MYT1L: variants seen among roughly 807,000 people sequenced by gnomAD.
The protein encoded by MYT1L is myelin transcription factor 1 like, also known as myelin transcription factor 1-like protein.
Under a neutral mutation model 126.7 loss-of-function variants are expected in MYT1L, and 12 were observed. The ratio of observed to expected loss-of-function variants is 0.09; its 90% CI spans 0.06 to 0.15. The LOEUF is 0.15. Ranked by LOEUF, MYT1L falls within the 10% of genes least tolerant of loss-of-function variation. The pLI is 1.00. For missense variants in MYT1L, 979 were observed against 1,585.2 expected (o/e 0.62, Z 6.49); for synonymous variants, 541 against 604.2 (o/e 0.90, Z 1.53).
chr2:2,124,525 A>G (rs1051627333), intron 3 of MYT1L, among the ~76,000 whole-genome samples: 1 of 152,078 alleles, frequency 6.6e-6, no homozygotes, highest in Non-Finnish European at 1.5e-5. Context: ...CGAACTTCTG[A>G]CCTCAGGTAA....
intron 8 of MYT1L, among the ~76,000 whole-genome samples, chr2:1,967,725 G>C (rs1177931241): frequency 6.6e-6 from 1 of 152,198 alleles, no homozygotes; most frequent in Non-Finnish European, 1.5e-5. Flanking sequence ...AAGAGGATGG[G>C]GGGAGGGTGT....
At chr2:2,323,446 T>A (rs1041401183) in intron 1 of MYT1L, among the ~76,000 whole-genome samples, 8 of 152,198 alleles carry the variant, frequency 5.3e-5, no homozygotes, top group African/African-American at 1.7e-4. Flanking sequence ...GTGAAATAAT[T>A]AGGTCAGTTA....
chr2:1,978,783 T>C (rs962944439), intron 8 of MYT1L, among the ~76,000 whole-genome samples: 1 of 152,130 alleles, frequency 6.6e-6, no homozygotes, highest in Non-Finnish European at 1.5e-5. Context: ...CACATTTTAA[T>C]TGACCGTTCA....
intron 2 of MYT1L, among the ~76,000 whole-genome samples, chr2:2,236,379 CACCCCAGTACATCCCAACCT>C (rs1559418645): frequency 6.7e-6 from 1 of 148,670 alleles, no homozygotes; most frequent in Non-Finnish European, 1.5e-5. Context: ...CATCCCAACC[CACCCCAGTACATCCCAACCT>C]AACCCAGTAC....
chr2:2,172,387 C>T (rs2090173055), intron 3 of MYT1L, among the ~76,000 whole-genome samples: 1 of 152,228 alleles, frequency 6.6e-6, no homozygotes, highest in Non-Finnish European at 1.5e-5. Flanking sequence ...AGGAGGCTCA[C>T]ATCATTCCTG....
intron 18 of MYT1L, among the ~76,000 whole-genome samples, chr2:1,881,227 C>A (rs758816536): frequency 2.6e-5 from 4 of 152,136 alleles, no homozygotes; most frequent in Non-Finnish European, 1.5e-5. Flanking sequence ...GAGGCTCCTG[C>A]TGCTGGGCTC....
At chr2:1,838,841 A>G (rs537627522) in intron 21 of MYT1L, among the ~76,000 whole-genome samples, 1 of 152,100 alleles carries the variant, frequency 6.6e-6, no homozygotes, top group South Asian at 2.1e-4. Context: ...ACATCTAAAG[A>G]CCCTCATGTG....
At chr2:1,977,839 G>C (rs752141929) in intron 8 of MYT1L, among the ~76,000 whole-genome samples, 1 of 152,124 alleles carries the variant, frequency 6.6e-6, no homozygotes, top group African/African-American at 2.4e-5. Context: ...CAGTGTTTTA[G>C]ACTTTTAGAT....
In MYT1L at chr2:2,217,685, C is replaced by CAAAAAAAAAAAAAAAAAAAAAAA. The variant is rs1167910803; in HGVS notation, c.-420-44698_-420-44697insTTTTTTTTTTTTTTTTTTTTTTT. The stretch of plus-strand genomic sequence containing the variant: ...AACTCCATCTCAACAACAACAACAA[C>CAAAAAAAAAAAAAAAAAAAAAAA]AACAACAACAACAACAACAACAAAA... On this transcript the variant is annotated intron_variant, in intron 2 of 24. Transcript: ENST00000647738. Among the ~76,000 whole-genome samples the CAAAAAAAAAAAAAAAAAAAAAAA allele has an allele frequency of 3.8e-5, 3 of 79,660 alleles. 1 individual carries two copies. The highest frequency in any genetic ancestry group is 7.9e-4 in the South Asian group (2 of 2,534). The allele number at this position is 79,660 out of a possible 152,430, so 52.3% of individuals were successfully genotyped here.
chr2:2,084,720 A>G (rs906636458), intron 3 of MYT1L, among the ~76,000 whole-genome samples: 3 of 152,216 alleles, frequency 2.0e-5, no homozygotes, highest in Admixed American at 2.0e-4. Flanking sequence ...CTGAATCCCA[A>G]ACCTACAGAC....
chr2:2,119,292 A>G (rs1317160227), intron 3 of MYT1L, among the ~76,000 whole-genome samples: 4 of 152,246 alleles, frequency 2.6e-5, no homozygotes, highest in African/African-American at 7.2e-5. Context: ...GAGTGCTTTT[A>G]CCTACATAAA....
At chr2:1,799,146 A>T (rs2034358667) in intron 23 of MYT1L, among the ~76,000 whole-genome samples, 6 of 152,204 alleles carry the variant, frequency 3.9e-5, no homozygotes. Context: ...CTCTCTCATC[A>T]GCCGAGTCAG....
intron 3 of MYT1L, among the ~76,000 whole-genome samples, chr2:2,121,633 C>G (rs1336092679): frequency 6.6e-6 from 1 of 151,594 alleles, no homozygotes; most frequent in Admixed American, 6.6e-5. Flanking sequence ...ATTACAGGTG[C>G]GCACCACCAT....
At chr2:2,004,304 T>TTCTTTCCTGCAG (rs2062854172) in intron 4 of MYT1L, among the ~76,000 whole-genome samples, 1 of 120,448 alleles carries the variant, frequency 8.3e-6, no homozygotes, top group African/African-American at 3.1e-5. Context: ...CTTTCCTGCA[T>TTCTTTCCTGCAG]GCGTTCTTTC....
At chr2:2,044,743 G>A (rs982726326) in intron 4 of MYT1L, among the ~76,000 whole-genome samples, 25 of 152,136 alleles carry the variant, frequency 1.6e-4, no homozygotes, top group African/African-American at 5.8e-4. Context: ...CCCTGGTTTC[G>A]TATACAGGCC....
At chr2:2,280,964 T>G (rs887181773) in intron 2 of MYT1L, among the ~76,000 whole-genome samples, 2 of 152,164 alleles carry the variant, frequency 1.3e-5, no homozygotes, top group Admixed American at 1.3e-4. Context: ...CAGCTTTTGA[T>G]GAGGGTTTGT....
At position 2,081,610 on chromosome 2, in the gene MYT1L, G is replaced by C. The variant is rs539187873; in HGVS notation, c.-303-27487C>G. Reference sequence around the variant, plus strand: ...ATGTCATTCAATTGTTTACAAGCATGTACTGAAAATCTGTCCTGCTTCATT... The same window carrying C: ...ATGTCATTCAATTGTTTACAAGCATCTACTGAAAATCTGTCCTGCTTCATT... On this transcript the variant is annotated intron_variant, in intron 3 of 24. Transcript: ENST00000647738. Among the ~76,000 whole-genome samples, 3 of 152,278 alleles carry C rather than the reference G, an allele frequency of 2.0e-5. No individual in the cohort carries two copies. The South Asian group carries it at 6.2e-4, about 32-fold the overall frequency.
chr2:2,101,948 T>C (rs2078146622), intron 3 of MYT1L, among the ~76,000 whole-genome samples: 1 of 152,210 alleles, frequency 6.6e-6, no homozygotes, highest in Non-Finnish European at 1.5e-5. Flanking sequence ...TATGATTAGG[T>C]TTCTCCATTC....
intron 4 of MYT1L, among the ~76,000 whole-genome samples, chr2:2,003,436 G>A (rs1369444953): frequency 6.6e-6 from 1 of 152,134 alleles, no homozygotes; most frequent in Non-Finnish European, 1.5e-5. Context: ...CATGGTCCTG[G>A]CCTCTGGGTA....
Sources: allele counts gnomAD v4.1 joint callset (sites outside exome capture counted in the v4.1 genomes callset), GRCh38; gene constraint gnomAD v4.1.1; transcripts MANE v1.5; gene names NCBI Gene and HGNC (gene_info 2026-07-23, HGNC 2026-07-21).